Variants in UPF2 observed in about 807,000 individuals in gnomAD.
UPF2 encodes the protein regulator of nonsense transcripts 2.
UPF2 carries 17 observed loss-of-function variants against 141.4 expected under a neutral mutation model. The ratio of observed to expected loss-of-function variants is 0.12; its 90% CI spans 0.08 to 0.18. The LOEUF (loss-of-function observed/expected upper bound fraction) is 0.18, where lower values mean the gene tolerates loss of function less well. Among genes scored for constraint, UPF2 ranks in the 10% least tolerant of loss-of-function variants. The pLI, the probability that UPF2 is intolerant of heterozygous loss-of-function variation, is 1.00. For synonymous variants in UPF2, 540 were observed against 498.0 expected (o/e 1.08, Z -1.12); for missense variants, 1,152 against 1,515.9 (o/e 0.76, Z 3.99).
intron 9 of UPF2, among the ~76,000 whole-genome samples, chr10:11,975,968 A>C (rs72777711): frequency 0.046 from 6,999 of 152,186 alleles, 202 homozygotes; most frequent in Non-Finnish European, 0.07. Flanking sequence ...TTTGGTACAT[A>C]GATTTGTTTA....
At chr10:11,944,792 A>G (rs1307809621) in intron 16 of UPF2, among the ~76,000 whole-genome samples, 2 of 152,308 alleles carry the variant, frequency 1.3e-5, no homozygotes, top group East Asian at 3.9e-4. Flanking sequence ...GTCCTATCCC[A>G]GTGTACACTG....
chr10:12,037,763 C>T (rs988771142), intron 1 of UPF2, among the ~76,000 whole-genome samples: 1 of 151,962 alleles, frequency 6.6e-6, no homozygotes, highest in Non-Finnish European at 1.5e-5. Context: ...TAAATTACAG[C>T]ACTTAAAACT....
At position 11,980,593 on chromosome 10, in the gene UPF2, C is replaced by G. The variant is rs1251751590; in HGVS notation, c.1845-1428G>C. ...ACCAAAAATATAAAAATTAGCTGGGCGTGGTGACAGATGCCTGCAATCCCA... is the reference window on the plus strand; with the variant it reads ...ACCAAAAATATAAAAATTAGCTGGGGGTGGTGACAGATGCCTGCAATCCCA... On this transcript the variant is annotated intron_variant, in intron 8 of 21. Transcript: ENST00000357604. This position sits in a 1 kb window ranked among gnomAD's most constrained non-coding sequence, Gnocchi z 4.2. 2.6e-5 allele frequency among the ~76,000 whole-genome samples: 4 copies of G among 151,686 alleles called. No individual in the cohort carries two copies. Among genetic ancestry groups the G allele is most frequent in the Non-Finnish European group, 5.9e-5 (4 of 67,938 alleles).
At position 11,931,937 on chromosome 10, in the gene UPF2, T is replaced by C. The variant is rs1281064422; in HGVS notation, c.3547-155A>G. ...AGGCCGAGGCGGGCGGATCACGAGG[T>C]CAAGAGATCAAGACCATCCAGGCCA... On this transcript the variant is annotated intron_variant, in intron 19 of 21. Coordinates refer to ENST00000357604, the MANE Select transcript of UPF2 (RefSeq NM_015542.4). The surrounding 1 kb of genome is among the most constrained non-coding windows in gnomAD (Gnocchi z 5.9). Among the ~76,000 whole-genome samples the C allele has an allele frequency of 6.6e-6, 1 of 151,926 alleles. No individual in the cohort carries two copies. Among genetic ancestry groups the C allele is most frequent in the Non-Finnish European group, 1.5e-5 (1 of 67,978 alleles).
chr10:12,021,875 G>A (rs927511995), intron 3 of UPF2, among the ~76,000 whole-genome samples: 1 of 152,182 alleles, frequency 6.6e-6, no homozygotes, highest in African/African-American at 2.4e-5. Context: ...GCTGGATGCA[G>A]TGGCTCACGT....
intron 8 of UPF2, among the ~76,000 whole-genome samples, chr10:11,987,372 A>G (rs1833709958): frequency 6.6e-6 from 1 of 152,236 alleles, no homozygotes; most frequent in African/African-American, 2.4e-5. Flanking sequence ...TGAAATCTCA[A>G]TTAGTTGTGT....
intron 6 of UPF2, among the ~76,000 whole-genome samples, chr10:12,001,275 A>T (rs955529238): frequency 8.6e-5 from 13 of 151,948 alleles, no homozygotes; most frequent in Admixed American, 2.6e-4. Flanking sequence ...TTAGCTGGGC[A>T]TGGTGGCAGG....
At chr10:12,006,958 C>T (rs1834045054) in intron 4 of UPF2, among the ~76,000 whole-genome samples, 2 of 152,204 alleles carry the variant, frequency 1.3e-5, no homozygotes, top group Admixed American at 6.5e-5. Flanking sequence ...ACCCACCCAT[C>T]TGTGAAGCAG....
At chr10:12,013,642 T>TG (rs1834169631) in intron 4 of UPF2, among the ~76,000 whole-genome samples, 1 of 152,176 alleles carries the variant, frequency 6.6e-6, no homozygotes, top group Non-Finnish European at 1.5e-5. Context: ...CACAAGAACC[T>TG]GAATGAACTC....
chr10:11,962,238 T>C (rs1833252676), intron 11 of UPF2, among the ~76,000 whole-genome samples: 1 of 152,322 alleles, frequency 6.6e-6, no homozygotes, highest in Admixed American at 6.5e-5. Flanking sequence ...AAGACTAATT[T>C]TGAAGGCAAA....
chr10:12,042,293 C>G lies in UPF2; in HGVS notation c.-19+462G>C, dbSNP rs1162401292. On this transcript the variant is annotated intron_variant, in intron 1 of 21. Coordinates refer to ENST00000357604, the MANE Select transcript of UPF2 (RefSeq NM_015542.4). This position sits in a 1 kb window ranked among gnomAD's most constrained non-coding sequence, Gnocchi z 5.5. ...ACCCCAACTTCTCGCCCCACACTCC[C>G]TCGCCACAGAAGCCTTCCCGGCCGG... 6.6e-6 allele frequency among the ~76,000 whole-genome samples: 1 copy of G among 152,122 alleles called. No individual in the cohort carries two copies. Among genetic ancestry groups the G allele is most frequent in the Non-Finnish European group, 1.5e-5 (1 of 68,012 alleles).
rs1834231475 is a variant in UPF2 at position 12,016,912 on chromosome 10, T to C, written c.1146-2728A>G. Among the ~76,000 whole-genome samples, 1 of 150,880 alleles carries C rather than the reference T, an allele frequency of 6.6e-6. No homozygotes were observed. ...GTGGGTGCCTGTAATCCTAGCTCCT[T>C]GGGAGGCTGAGGCAGGAGAATCATT... On this transcript the variant is annotated intron_variant, in intron 3 of 21. Transcript: ENST00000357604. This position sits in a 1 kb window ranked among gnomAD's most constrained non-coding sequence, Gnocchi z 4.1.
rs1343316718 is a variant in UPF2, at chr10:11,959,702, G to GT, written c.2185-347dup. ...TTGAGCCCAGGAGGTGGAGGCTGCAGTAAGCCATGACTGGCACTGCACTCC... is the reference window on the plus strand; with the variant it reads ...TTGAGCCCAGGAGGTGGAGGCTGCAGTTAAGCCATGACTGGCACTGCACTCC... On this transcript the variant is annotated intron_variant, in intron 11 of 21. Coordinates refer to ENST00000357604, the MANE Select transcript of UPF2 (RefSeq NM_015542.4). This position sits in a 1 kb window ranked among gnomAD's most constrained non-coding sequence, Gnocchi z 5.9. Among the ~76,000 whole-genome samples, 5 of 152,126 alleles carry GT rather than the reference G, an allele frequency of 3.3e-5. No homozygotes were observed. Among genetic ancestry groups the GT allele is most frequent in the African/African-American group, 9.7e-5 (4 of 41,440 alleles).
At chr10:11,990,541 G>A (rs985492335) in intron 8 of UPF2, among the ~76,000 whole-genome samples, 6 of 151,964 alleles carry the variant, frequency 3.9e-5, no homozygotes, top group East Asian at 1.9e-4. Context: ...TTAGCCGGGC[G>A]TGGTGGCAGG....
rs1554774700 is a variant in UPF2 at position 11,938,868 on chromosome 10, T to TTTTTTTTTGTTTTG, written c.3379-2157_3379-2156insCAAAACAAAAAAAA. 1.1e-3 allele frequency among the ~76,000 whole-genome samples: 100 copies of TTTTTTTTTGTTTTG among 90,842 alleles called. 2 individuals are homozygous for TTTTTTTTTGTTTTG. Among genetic ancestry groups the TTTTTTTTTGTTTTG allele is most frequent in the African/African-American group, 3.3e-3 (91 of 27,212 alleles). 59.6% of individuals were successfully genotyped at this position (90,842 alleles called of 152,430 possible). ...TTTTTTTTTTGTTTTTTTTTTTTTT[T>TTTTTTTTTGTTTTG]TTTTTTTTTTTTTTGGAGACGGAGT... is the stretch of plus-strand genomic sequence containing the variant. On this transcript the variant is annotated intron_variant, in intron 18 of 21. Transcript: ENST00000357604.
At chr10:11,997,050 G>A (rs1194501080) in intron 8 of UPF2, among the ~76,000 whole-genome samples, 2 of 152,138 alleles carry the variant, frequency 1.3e-5, no homozygotes, top group East Asian at 1.9e-4. Context: ...AGGATTCTAA[G>A]GTCAACAGTC....
chr10:11,923,430 C>A (rs911371754), intron 21 of UPF2: 1 of 152,196 alleles, frequency 6.6e-6, no homozygotes, highest in Admixed American at 6.6e-5. Context: ...TGCCTGTAAT[C>A]CCAGCACTTT....
intron 2 of UPF2, among the ~76,000 whole-genome samples, chr10:12,031,197 A>G (rs1049247537): frequency 6.6e-5 from 10 of 150,540 alleles, no homozygotes; most frequent in African/African-American, 2.4e-4. Context: ...AAAACAAAAC[A>G]GTTTTGCAAT....
chr10:12,028,244 A>AT (rs1288509545), intron 3 of UPF2, among the ~76,000 whole-genome samples: 1 of 152,146 alleles, frequency 6.6e-6, no homozygotes, highest in Non-Finnish European at 1.5e-5. Context: ...CATTTAAGAA[A>AT]TTTTTTCACA....
Sources: allele counts gnomAD v4.1 joint callset (sites outside exome capture counted in the v4.1 genomes callset), GRCh38; gene constraint gnomAD v4.1.1; non-coding constraint Gnocchi (gnomAD v3.1); transcripts MANE v1.5; gene names NCBI Gene and HGNC (gene_info 2026-07-23, HGNC 2026-07-21).